C9: variants seen among roughly 807,000 people sequenced by gnomAD.
C9 encodes complement component C9.
C9 carries 63 observed loss-of-function variants against 65.4 expected under a neutral mutation model. That is an observed-to-expected ratio of 0.96 (90% CI 0.79 to 1.19). C9 has a LOEUF of 1.19. C9 is among the 50% of genes most tolerant of loss of function. The probability of loss-of-function intolerance (pLI) is 0.00; values close to 1 mark genes in which losing one functional copy is unlikely to be tolerated. For missense variants in C9, 744 were observed against 670.1 expected (o/e 1.11, Z -1.22); for synonymous variants, 229 against 227.9 (o/e 1.00, Z -0.04).
intron 9 of C9, among the ~76,000 whole-genome samples, chr5:39,303,044 A>G (rs1476906685): frequency 6.6e-6 from 1 of 152,222 alleles, no homozygotes; most frequent in Non-Finnish European, 1.5e-5. Flanking sequence ...CCAATATTGT[A>G]GCTGTACTCA....
intron 5 of C9, among the ~76,000 whole-genome samples, chr5:39,316,450 A>G (rs1753571287): frequency 6.6e-6 from 1 of 152,172 alleles, no homozygotes; most frequent in Non-Finnish European, 1.5e-5. Context: ...TCAACCCATC[A>G]CCCAGGTATT....
chr5:39,296,445 A>C (rs1753187548), intron 9 of C9, among the ~76,000 whole-genome samples: 2 of 151,670 alleles, frequency 1.3e-5, no homozygotes, highest in Admixed American at 6.6e-5. Context: ...GATAAAAATA[A>C]ACAATGCTGG....
intron 9 of C9, among the ~76,000 whole-genome samples, chr5:39,306,127 C>T (rs910030220): frequency 1.4e-5 from 2 of 145,848 alleles, no homozygotes; most frequent in South Asian, 2.1e-4. Context: ...TGCACCACTG[C>T]ACTCCAGCCT....
Position 39,315,831 on chromosome 5 carries a change from A to G in C9, c.814T>C (p.Phe272Leu), listed in dbSNP as rs1318069116. 6.2e-7 allele frequency: 1 copy of G among 1,609,116 alleles called. No individual in the cohort carries two copies. Among genetic ancestry groups the G allele is most frequent in the South Asian group, 1.1e-5 (1 of 90,952 alleles). ...ISLHGKGSFR[F>L]SYSKNETYQL... ...TAAGTTTCATTTTTGGAATATGAAA[A>G]CCGAAAACTACCCTTGCCATGTAAA... The change falls in exon 6 of 11, where the codon TTT (phenylalanine) becomes CTT (leucine). Residue 272 changes from phenylalanine to leucine, a missense_variant. Transcript: ENST00000263408.
chr5:39,308,904 A>G (rs1425898669), intron 7 of C9, among the ~76,000 whole-genome samples: 1 of 152,164 alleles, frequency 6.6e-6, no homozygotes, highest in Non-Finnish European at 1.5e-5. Flanking sequence ...TCTCTGTATC[A>G]ACTTCATAAT....
intron 1 of C9, among the ~76,000 whole-genome samples, chr5:39,342,688 C>T (rs960462510): frequency 6.6e-6 from 1 of 152,148 alleles, no homozygotes; most frequent in Non-Finnish European, 1.5e-5. Flanking sequence ...GCGGGCACCT[C>T]ATAAATCAGG....
At chr5:39,354,723 G>A (rs1171560869) in intron 1 of C9, among the ~76,000 whole-genome samples, 1 of 152,188 alleles carries the variant, frequency 6.6e-6, no homozygotes, top group Non-Finnish European at 1.5e-5. Context: ...TAGTTAGTTT[G>A]AGGATCATGG....
At chr5:39,357,048 T>C (rs1754424133) in intron 1 of C9, among the ~76,000 whole-genome samples, 1 of 152,234 alleles carries the variant, frequency 6.6e-6, no homozygotes, top group Admixed American at 6.5e-5. Flanking sequence ...GATCTACCTC[T>C]GGGCCAGAAA....
intron 6 of C9, among the ~76,000 whole-genome samples, chr5:39,312,386 T>G (rs1451986376): frequency 1.3e-5 from 2 of 152,192 alleles, no homozygotes; most frequent in Non-Finnish European, 2.9e-5. Flanking sequence ...ATTATGCAGA[T>G]GAGAAAACTA....
intron 6 of C9, among the ~76,000 whole-genome samples, chr5:39,313,792 CT>C (rs1271021931): frequency 6.6e-6 from 1 of 152,214 alleles, no homozygotes; most frequent in Non-Finnish European, 1.5e-5. Context: ...AATTCCAGGT[CT>C]TTTTCCCAAA....
At chr5:39,347,068 C>T (rs1754211396) in intron 1 of C9, among the ~76,000 whole-genome samples, 1 of 152,128 alleles carries the variant, frequency 6.6e-6, no homozygotes, top group Non-Finnish European at 1.5e-5. Context: ...CAATATCATA[C>T]TGAATGGGCA....
At position 39,332,211 on chromosome 5, in the gene C9, G is replaced by T. The variant is rs540075523; in HGVS notation, c.477-397C>A. ...ATTTGAGAACAGAGCATCTCAGGGG[G>T]CCAATATAACATGTGCATGTAATTT... On this transcript the variant is annotated intron_variant, in intron 4 of 10. Transcript: ENST00000263408. Among the ~76,000 whole-genome samples, 10 of 152,196 alleles carry T rather than the reference G, an allele frequency of 6.6e-5. No homozygotes were observed. In the East Asian group the frequency reaches 1.9e-3, roughly 29 times the overall value.
rs142766101 is a variant in C9 at position 39,305,797 on chromosome 5, A to T, written c.1416+820T>A. Among the ~76,000 whole-genome samples the T allele has an allele frequency of 9.9e-5, 15 of 152,248 alleles. No homozygotes were observed. In the Middle Eastern group the frequency reaches 0.014, roughly 139 times the overall value. ...ATAATCAAGATAGAAAAAGGAAAAA[A>T]ATCTACTGACCATAAGAATTGTTCA... On this transcript the variant is annotated intron_variant, in intron 9 of 10. Coordinates refer to ENST00000263408, the MANE Select transcript of C9 (RefSeq NM_001737.5).
chr5:39,329,150 T>C (rs1473267967), intron 5 of C9, among the ~76,000 whole-genome samples: 3 of 152,146 alleles, frequency 2.0e-5, no homozygotes, highest in Non-Finnish European at 4.4e-5. Flanking sequence ...GGACCTAAGT[T>C]ATAAACGCAA....
At chr5:39,314,752 T>G (rs955216903) in intron 6 of C9, among the ~76,000 whole-genome samples, 1 of 152,206 alleles carries the variant, frequency 6.6e-6, no homozygotes, top group African/African-American at 2.4e-5. Flanking sequence ...TCCATGAAGC[T>G]AAGCCTGAGC....
chr5:39,312,475 G>A (rs1396423469), intron 6 of C9, among the ~76,000 whole-genome samples: 1 of 152,140 alleles, frequency 6.6e-6, no homozygotes, highest in African/African-American at 2.4e-5. Flanking sequence ...CTAGATCTCA[G>A]GTCTCCTTGT....
intron 4 of C9, among the ~76,000 whole-genome samples, chr5:39,332,384 C>G (rs1329463369): frequency 6.6e-6 from 1 of 152,162 alleles, no homozygotes; most frequent in African/African-American, 2.4e-5. Flanking sequence ...AAGATGAACA[C>G]AAAAATTTTA....
chr5:39,309,833 G>A (rs1308849223), intron 7 of C9, among the ~76,000 whole-genome samples: 2 of 152,138 alleles, frequency 1.3e-5, no homozygotes, highest in Admixed American at 6.5e-5. Flanking sequence ...CAGGATTAAA[G>A]ATCTCTTCCT....
chr5:39,316,149 A>G, intron 5 of C9, 120 bp from the exon 6 acceptor site: 1 of 777,854 alleles, frequency 1.3e-6, no homozygotes, highest in Non-Finnish European at 2.1e-6. Flanking sequence ...AAAGGAGTTA[A>G]GAGCAAAAGT....
Sources: gnomAD v4.1 joint callset for allele counts (sites outside exome capture counted in the v4.1 genomes callset) on GRCh38, gnomAD v4.1.1 for gene constraint, MANE v1.5 for transcripts, NCBI Gene and HGNC (gene_info 2026-07-23, HGNC 2026-07-21) for gene names.